The following KMT2C variants were observed in gnomAD, a reference collection of about 807,000 sequenced individuals.
KMT2C encodes the protein histone-lysine N-methyltransferase 2C.
In KMT2C, 88 loss-of-function variants were observed where a neutral mutation model predicts 507.9. The observed-to-expected ratio is 0.17, with a 90% CI of 0.15 to 0.21. KMT2C has a LOEUF of 0.21. KMT2C is among the 10% of genes least tolerant of loss of function. The pLI is 1.00. For synonymous variants in KMT2C, 2,049 were observed against 2,080.8 expected (o/e 0.98, Z 0.42); for missense variants, 4,954 against 5,957.8 (o/e 0.83, Z 5.55).
At chr7:152,344,505 G>A (rs994687742) in intron 2 of KMT2C, among the ~76,000 whole-genome samples, 11 of 152,028 alleles carry the variant, frequency 7.2e-5, no homozygotes, top group Non-Finnish European at 1.5e-4. Flanking sequence ...GTTAACTGGA[G>A]GTAACCAAAA....
Position 152,255,159 on chromosome 7 carries a change from G to GTATATATACATATATATATATA in KMT2C, c.1300-2445_1300-2444insTATATATATATATGTATATATA, listed in dbSNP as rs1563607927. Among the ~76,000 whole-genome samples the GTATATATACATATATATATATA allele has an allele frequency of 8.6e-4, 88 of 102,496 alleles. 1 individual carries two copies. Among genetic ancestry groups the GTATATATACATATATATATATA allele is most frequent in the African/African-American group, 3.2e-3 (88 of 27,762 alleles). The allele number at this position is 102,496 out of a possible 152,430, so 67.2% of individuals were successfully genotyped here. On this transcript the variant is annotated intron_variant, in intron 9 of 58. Coordinates refer to ENST00000262189, the MANE Select transcript of KMT2C (RefSeq NM_170606.3). ...TATATATATATACATATATATATAT[G>GTATATATACATATATATATATA]TGTGTGTGTGTGTGTGTGTGTTTTG...
At chr7:152,307,356 A>AGGAGAGAG (rs922819637) in intron 6 of KMT2C, among the ~76,000 whole-genome samples, 7 of 125,054 alleles carry the variant, frequency 5.6e-5, no homozygotes, top group African/African-American at 1.5e-4. Flanking sequence ...GAGGGAGGGA[A>AGGAGAGAG]GGAGAGAGGG....
rs184226171 is a variant in KMT2C, at chr7:152,249,227, A to G, written c.1814-607T>C. On this transcript the variant is annotated intron_variant, in intron 13 of 58. Transcript: ENST00000262189. The stretch of plus-strand genomic sequence containing the variant: ...TTTAAATCAGGATACCAGTATGTTA[A>G]ACCTTTAACTCAATCTCATCAAGGT... 2.5e-3 allele frequency among the ~76,000 whole-genome samples: 378 copies of G among 152,262 alleles called. 4 individuals carry two copies. Among genetic ancestry groups the G allele is most frequent in the African/African-American group, 8.5e-3 (352 of 41,558 alleles).
chr7:152,151,366 G>A, intron 50 of KMT2C, 76 bp downstream of exon 50: 1 of 1,459,010 alleles, frequency 6.9e-7, no homozygotes, highest in Non-Finnish European at 9.5e-7. Flanking sequence ...GTCTCTCTCT[G>A]ATGTTGGAAG....
intron 54 of KMT2C, 135 bp downstream of exon 54, chr7:152,145,018 G>A (rs2090960506): frequency 2.9e-6 from 4 of 1,361,538 alleles, no homozygotes; most frequent in Non-Finnish European, 4.0e-6. Context: ...GAGACACACG[G>A]CGAGTTCTCT....
chr7:152,182,842 A>G (rs1317246608), intron 35 of KMT2C, 132 bp downstream of exon 35: 1 of 693,870 alleles, frequency 1.4e-6, no homozygotes, highest in Middle Eastern at 4.1e-4. Context: ...ATTTTACTGA[A>G]AAGAGAAACA....
In KMT2C at chr7:152,180,796, A is replaced by T. The variant is rs2129119139; in HGVS notation, c.7064T>A (p.Leu2355His). The change falls in exon 36 of 59, where the codon CTT (leucine) becomes CAT (histidine). Residue 2355 changes from leucine to histidine, a missense_variant. Leu to His is a moderately conservative substitution (Grantham distance 99, BLOSUM62 -3). Coordinates refer to ENST00000262189, the MANE Select transcript of KMT2C (RefSeq NM_170606.3). The part of the protein sequence containing the change: ...QGQQFSGVSQ[L>H]PGPVPTSGVT... ...TCCTGAAGTTGGCACAGGTCCAGGA[A>T]GTTGGGAGACACCAGAGAACTGCTG... 6.2e-7 allele frequency: 1 copy of T among 1,614,146 alleles called. No individual in the cohort carries two copies. The highest frequency in any genetic ancestry group is 1.1e-5 in the South Asian group (1 of 91,090).
rs2129113513 is a variant in KMT2C at position 152,176,717 on chromosome 7, A to G, written c.8736T>C (p.Thr2912=). The part of the protein sequence containing the change: ...AQDVINSCGI[T]GSTPVLSSLL... The stretch of plus-strand genomic sequence containing the variant: ...AACTTGAGAGAACTGGAGTTGATCC[A>G]GTTATGCCACAAGAGTTTATTACAT... The change falls in exon 38 of 59, where the codon ACT becomes ACC. Residue 2912 remains threonine, a synonymous_variant. Transcript: ENST00000262189. 1 of 1,614,222 alleles carries G rather than the reference A, an allele frequency of 6.2e-7. No individual in the cohort carries two copies. The highest frequency in any genetic ancestry group is 2.2e-5 in the East Asian group (1 of 44,880).
intron 26 of KMT2C, among the ~76,000 whole-genome samples, chr7:152,202,684 C>T (rs1290389318): frequency 6.6e-6 from 1 of 152,098 alleles, no homozygotes; most frequent in East Asian, 1.9e-4. Flanking sequence ...GTCCTTGTTA[C>T]ATCTTATAGA....
At chr7:152,201,126 C>T (rs1309583902) in intron 26 of KMT2C, among the ~76,000 whole-genome samples, 1 of 152,108 alleles carries the variant, frequency 6.6e-6, no homozygotes, top group Non-Finnish European at 1.5e-5. Flanking sequence ...TGTCTAATGA[C>T]TCATGACTTT....
intron 1 of KMT2C, among the ~76,000 whole-genome samples, chr7:152,384,353 A>T (rs118184003): frequency 0.015 from 2,342 of 152,242 alleles, 20 homozygotes; most frequent in Non-Finnish European, 0.025. Flanking sequence ...TTCCAGCCCT[A>T]CTGAATTTCT....
intron 27 of KMT2C, among the ~76,000 whole-genome samples, chr7:152,197,124 A>G (rs948993237): frequency 6.6e-6 from 1 of 152,144 alleles, no homozygotes; most frequent in African/African-American, 2.4e-5. Flanking sequence ...AGAAAAGGGC[A>G]CTGGTGCAGT....
chr7:152,218,729 C>T (rs1415085409), intron 23 of KMT2C, among the ~76,000 whole-genome samples: 1 of 152,106 alleles, frequency 6.6e-6, no homozygotes, highest in Non-Finnish European at 1.5e-5. Context: ...TTCTTGTCCT[C>T]ACATCTCTAA....
At chr7:152,411,072 T>C (rs546299568) in intron 1 of KMT2C, among the ~76,000 whole-genome samples, 14 of 152,390 alleles carry the variant, frequency 9.2e-5, no homozygotes, top group African/African-American at 2.9e-4. Context: ...CACACAATTC[T>C]CTATAACTAG....
intron 23 of KMT2C, among the ~76,000 whole-genome samples, chr7:152,214,048 T>C (rs1482686665): frequency 2.6e-5 from 4 of 152,090 alleles, no homozygotes; most frequent in Admixed American, 6.5e-5. Context: ...AGAATGACTA[T>C]TATCAAAAAG....
chr7:152,234,042 G>A (rs1409245419), intron 16 of KMT2C, among the ~76,000 whole-genome samples: 1 of 152,154 alleles, frequency 6.6e-6, no homozygotes, highest in African/African-American at 2.4e-5. Flanking sequence ...GGCTGAGGCA[G>A]GAGAATTGCT....
At chr7:152,183,245 A>C in intron 34 of KMT2C, 89 bp from the exon 35 acceptor site, 1 of 1,094,358 alleles carries the variant, frequency 9.1e-7, no homozygotes, top group Middle Eastern at 2.3e-4. Flanking sequence ...TCTCAAATAA[A>C]AGAAAAAAAA....
intron 43 of KMT2C, 139 bp from the exon 44 acceptor site, chr7:152,159,211 C>T: frequency 1.4e-6 from 1 of 694,200 alleles, no homozygotes. Context: ...AGAGTGGTGT[C>T]AATGCTGGTT....
At chr7:152,405,340 G>A (rs567007147) in intron 1 of KMT2C, among the ~76,000 whole-genome samples, 6 of 152,326 alleles carry the variant, frequency 3.9e-5, no homozygotes, top group Non-Finnish European at 7.4e-5. Context: ...CACCTTCTAG[G>A]GTCAAGTGAT....
Sources: allele counts gnomAD v4.1 joint callset (sites outside exome capture counted in the v4.1 genomes callset), GRCh38; gene constraint gnomAD v4.1.1; transcripts MANE v1.5; gene names NCBI Gene and HGNC (gene_info 2026-07-23, HGNC 2026-07-21).